MTHFD2L: variants seen among roughly 807,000 people sequenced by gnomAD.
The protein encoded by MTHFD2L is bifunctional methylenetetrahydrofolate dehydrogenase/cyclohydrolase 2, mitochondrial.
Under a neutral mutation model 34.9 loss-of-function variants are expected in MTHFD2L, and 29 were observed. The ratio of observed to expected loss-of-function variants is 0.83; its 90% CI spans 0.62 to 1.13. MTHFD2L has a LOEUF of 1.13. Among genes scored for constraint, MTHFD2L ranks in the 50% most tolerant of loss-of-function variants. The pLI, the probability that MTHFD2L is intolerant of heterozygous loss-of-function variation, is 0.00. For missense variants in MTHFD2L, 481 were observed against 446.5 expected (o/e 1.08, Z -0.70); for synonymous variants, 167 against 155.7 (o/e 1.07, Z -0.54).
intron 6 of MTHFD2L, among the ~76,000 whole-genome samples, chr4:74,246,818 G>A (rs542712702): frequency 2.6e-5 from 4 of 152,238 alleles, no homozygotes; most frequent in African/African-American, 9.6e-5. Context: ...TGAGGGCTCT[G>A]CTCTGTTCCA....
chr4:74,211,660 C>G (rs942577730), intron 5 of MTHFD2L, among the ~76,000 whole-genome samples: 2 of 152,090 alleles, frequency 1.3e-5, no homozygotes, highest in South Asian at 4.1e-4. Flanking sequence ...TTTGTTGTGT[C>G]TCTGCCAGGT....
upstream of MTHFD2L, among the ~76,000 whole-genome samples, chr4:74,154,296 T>A (rs1323756290): frequency 6.6e-6 from 1 of 152,156 alleles, no homozygotes; most frequent in Non-Finnish European, 1.5e-5. Context: ...GGTTTCTCCA[T>A]AGGTAAGTTA....
At chr4:74,142,176 A>G (rs962583243) in intron 1 of MTHFD2L, among the ~76,000 whole-genome samples, 2 of 152,252 alleles carry the variant, frequency 1.3e-5, no homozygotes, top group African/African-American at 4.8e-5. Context: ...GCTGCACTAC[A>G]AAATTTCCTT....
At chr4:74,214,660 T>C (rs530852857) in intron 5 of MTHFD2L, among the ~76,000 whole-genome samples, 1 of 151,888 alleles carries the variant, frequency 6.6e-6, no homozygotes, top group Non-Finnish European at 1.5e-5. Context: ...TGCTGCAAGG[T>C]GTCTCCCAGT....
chr4:74,280,171 T>C (rs1225001619), intron 6 of MTHFD2L: 1 of 152,120 alleles, frequency 6.6e-6, no homozygotes, highest in Non-Finnish European at 1.5e-5. Context: ...TCTCCTCCCA[T>C]TGAGAAGTGG....
At chr4:74,120,376 G>A (rs546078165), upstream of MTHFD2L, among the ~76,000 whole-genome samples, 12 of 152,352 alleles carry the variant, frequency 7.9e-5, no homozygotes, top group African/African-American at 2.9e-4. Flanking sequence ...TTCAGAAGAT[G>A]TGCATGAGGA....
At chr4:74,167,954 T>TC (rs1007865857) in intron 1 of MTHFD2L, among the ~76,000 whole-genome samples, 1 of 152,150 alleles carries the variant, frequency 6.6e-6, no homozygotes, top group African/African-American at 2.4e-5. Flanking sequence ...TCCCAAGGGT[T>TC]CCACTCTCAA....
At chr4:74,253,183 T>C (rs995942713) in intron 6 of MTHFD2L, among the ~76,000 whole-genome samples, 9 of 152,142 alleles carry the variant, frequency 5.9e-5, no homozygotes, top group African/African-American at 2.2e-4. Context: ...TGATTTCCTT[T>C]ACAATGATTC....
chr4:74,295,233 G>A (rs922167394), intron 7 of MTHFD2L, among the ~76,000 whole-genome samples: 1 of 151,898 alleles, frequency 6.6e-6, no homozygotes, highest in Non-Finnish European at 1.5e-5. Flanking sequence ...ATGTGCTTTG[G>A]TCATAATGAA....
At chr4:74,233,387 A>G (rs571438678) in intron 6 of MTHFD2L, among the ~76,000 whole-genome samples, 1 of 152,324 alleles carries the variant, frequency 6.6e-6, no homozygotes, top group Non-Finnish European at 1.5e-5. Context: ...TAAAAATCAC[A>G]TCTAACTCTC....
At chr4:74,159,282 AAAT>A (rs1724888497) in intron 1 of MTHFD2L, among the ~76,000 whole-genome samples, 1 of 152,244 alleles carries the variant, frequency 6.6e-6, no homozygotes, top group Non-Finnish European at 1.5e-5. Flanking sequence ...ATATGTGAGA[AAAT>A]AACAGTGAAT....
intron 3 of MTHFD2L, among the ~76,000 whole-genome samples, chr4:74,177,239 C>T (rs1334561839): frequency 6.6e-6 from 1 of 151,904 alleles, no homozygotes; most frequent in African/African-American, 2.4e-5. Context: ...AGTTTATTAA[C>T]ATCACAAATC....
At chr4:74,123,139 G>C (rs1287152285), upstream of MTHFD2L, 1 of 152,126 alleles carries the variant, frequency 6.6e-6, no homozygotes, top group Admixed American at 6.6e-5. Context: ...GTTTGTTTCT[G>C]CCAGTGTTAG....
intron 6 of MTHFD2L, among the ~76,000 whole-genome samples, chr4:74,227,922 A>T (rs7676266): frequency 0.12 from 18,513 of 152,144 alleles, 1,392 homozygotes; most frequent in Non-Finnish European, 0.17. Context: ...TTTGTATTTG[A>T]ACACATAGTT....
intron 3 of MTHFD2L, among the ~76,000 whole-genome samples, chr4:74,177,956 A>G (rs1729368942): frequency 1.3e-5 from 2 of 152,034 alleles, no homozygotes; most frequent in South Asian, 4.1e-4. Context: ...TTGCTATAAC[A>G]TGGAACCTGA....
intron 3 of MTHFD2L, among the ~76,000 whole-genome samples, chr4:74,177,957 T>C (rs1470669481): frequency 6.6e-6 from 1 of 151,984 alleles, no homozygotes; most frequent in Non-Finnish European, 1.5e-5. Flanking sequence ...TGCTATAACA[T>C]GGAACCTGAA....
intron 3 of MTHFD2L, among the ~76,000 whole-genome samples, chr4:74,192,830 T>C (rs1473925016): frequency 1.3e-5 from 2 of 152,058 alleles, no homozygotes; most frequent in Non-Finnish European, 2.9e-5. Context: ...CTTTTTTTTA[T>C]ATATCTGGTT....
In MTHFD2L at chr4:74,252,354, C is replaced by T. The variant is rs879891895; in HGVS notation, c.805+26960C>T. ...CAGGATCCTGTAGGATGAGATATCT[C>T]GGGGGTCATAACAACATAGGCACTT... On this transcript the variant is annotated intron_variant, in intron 6 of 7. Transcript: ENST00000325278. Among the ~76,000 whole-genome samples, 12 of 151,884 alleles carry T rather than the reference C, an allele frequency of 7.9e-5. 1 individual carries two copies. Among genetic ancestry groups the T allele is most frequent in the East Asian group, 1.9e-4 (1 of 5,170 alleles).
intron 3 of MTHFD2L, among the ~76,000 whole-genome samples, chr4:74,188,153 A>G (rs1181804758): frequency 6.6e-6 from 1 of 152,250 alleles, no homozygotes; most frequent in Non-Finnish European, 1.5e-5. Context: ...ATTATATGAA[A>G]TGAAAACTAA....
Sources: gnomAD v4.1 joint callset for allele counts (sites outside exome capture counted in the v4.1 genomes callset) on GRCh38, gnomAD v4.1.1 for gene constraint, MANE v1.5 for transcripts, NCBI Gene and HGNC (gene_info 2026-07-23, HGNC 2026-07-21) for gene names.